CADM2: variants seen among roughly 807,000 people sequenced by gnomAD.
CADM2 encodes immunoglobulin superfamily member 4D.
CADM2 carries 12 observed loss-of-function variants against 49.8 expected under a neutral mutation model. The observed-to-expected ratio is 0.24, with a 90% CI of 0.15 to 0.39. The LOEUF is 0.39. Ranked by LOEUF, CADM2 falls within the 10% of genes least tolerant of loss-of-function variation. The probability of loss-of-function intolerance (pLI) is 1.00; values close to 1 mark genes in which losing one functional copy is unlikely to be tolerated. For synonymous variants in CADM2, 214 were observed against 175.4 expected, an observed-to-expected ratio of 1.22 and a Z score of -1.74; for missense variants, 378 against 492.3, an observed-to-expected ratio of 0.77 and a Z score of 2.20.
intron 1 of CADM2, among the ~76,000 whole-genome samples, chr3:85,694,612 C>A (rs951012337): frequency 6.6e-6 from 1 of 152,098 alleles, no homozygotes; most frequent in Admixed American, 6.5e-5. Context: ...CACTAAAATG[C>A]AATTTATAAA....
chr3:85,222,972 C>A (rs570867737), intron 1 of CADM2, among the ~76,000 whole-genome samples: 5 of 152,242 alleles, frequency 3.3e-5, no homozygotes, highest in Middle Eastern at 3.4e-3. Flanking sequence ...CTCTTTAGAA[C>A]TACTATCGAA....
At chr3:85,664,193 T>G (rs1444487583) in intron 1 of CADM2, among the ~76,000 whole-genome samples, 1 of 151,936 alleles carries the variant, frequency 6.6e-6, no homozygotes, top group African/African-American at 2.4e-5. Context: ...TATTGGGTAA[T>G]GTTTAGTTCC....
chr3:85,896,022 G>C (rs974252711), intron 5 of CADM2, among the ~76,000 whole-genome samples: 1 of 152,172 alleles, frequency 6.6e-6, no homozygotes, highest in African/African-American at 2.4e-5. Flanking sequence ...TGGGCATGGT[G>C]GCTCATGCCT....
At chr3:84,995,744 G>C (rs891509373) in intron 1 of CADM2, among the ~76,000 whole-genome samples, 3 of 152,146 alleles carry the variant, frequency 2.0e-5, no homozygotes, top group African/African-American at 4.8e-5. Context: ...ATTGCTAACA[G>C]TATTTGATCA....
At chr3:86,005,394 T>C (rs576145346) in intron 8 of CADM2, among the ~76,000 whole-genome samples, 1 of 151,880 alleles carries the variant, frequency 6.6e-6, no homozygotes, top group East Asian at 1.9e-4. Flanking sequence ...CTATTAAAAA[T>C]ACAAAAGTTA....
intron 8 of CADM2, among the ~76,000 whole-genome samples, chr3:86,058,179 CTGTATT>C (rs2107372473): frequency 6.6e-6 from 1 of 152,248 alleles, no homozygotes; most frequent in South Asian, 2.1e-4. Context: ...GCAAATCTTT[CTGTATT>C]AATATTTTCC....
rs183230642 is a variant in CADM2, at chr3:85,149,601, G to C, written c.61+189933G>C. Among the ~76,000 whole-genome samples, 302 of 152,278 alleles carry C rather than the reference G, an allele frequency of 2.0e-3. 1 individual carries two copies. The highest frequency in any genetic ancestry group is 6.9e-3 in the African/African-American group (288 of 41,572). On this transcript the variant is annotated intron_variant, in intron 1 of 9. Transcript: ENST00000383699. ...AAAAATAAAAAATTAGCCAGGCATG[G>C]TGGCAGGTGCCTGTAGTCCCAGTTA...
At chr3:85,468,109 C>A (rs930613586) in intron 1 of CADM2, among the ~76,000 whole-genome samples, 2 of 136,892 alleles carry the variant, frequency 1.5e-5, no homozygotes, top group East Asian at 2.3e-4. Flanking sequence ...AGCCGAGATC[C>A]CGCCACTGCA....
chr3:85,833,612 G>T (rs1190336622), intron 3 of CADM2, among the ~76,000 whole-genome samples: 1 of 151,436 alleles, frequency 6.6e-6, no homozygotes, highest in Non-Finnish European at 1.5e-5. Flanking sequence ...TTTTCAGTCT[G>T]TCCCAGCACC....
At chr3:85,293,029 T>G (rs2106944105) in intron 1 of CADM2, among the ~76,000 whole-genome samples, 1 of 151,742 alleles carries the variant, frequency 6.6e-6, no homozygotes, top group Middle Eastern at 3.4e-3. Flanking sequence ...TCAACAAAAT[T>G]GATAGACCGC....
intron 1 of CADM2, among the ~76,000 whole-genome samples, chr3:84,967,293 A>C (rs1041864701): frequency 3.3e-5 from 5 of 152,144 alleles, no homozygotes; most frequent in African/African-American, 7.2e-5. Flanking sequence ...TTAAACATCA[A>C]GGCCTAAAAT....
At chr3:84,974,174 A>G (rs915848080) in intron 1 of CADM2, among the ~76,000 whole-genome samples, 30 of 151,906 alleles carry the variant, frequency 2.0e-4, no homozygotes, top group African/African-American at 6.3e-4. Context: ...TTGGCTAGTG[A>G]TATCTCTGGA....
At chr3:86,065,977 A>G (rs752247652) in intron 9 of CADM2, among the ~76,000 whole-genome samples, 7 of 152,090 alleles carry the variant, frequency 4.6e-5, no homozygotes, top group Admixed American at 1.3e-4. Context: ...AGAAAAATAG[A>G]AAAAATATGG....
At chr3:85,121,659 C>CCATTCATCAGTAATATTACCTATCTT (rs966631335) in intron 1 of CADM2, among the ~76,000 whole-genome samples, 3 of 152,042 alleles carry the variant, frequency 2.0e-5, no homozygotes, top group Non-Finnish European at 2.9e-5. Flanking sequence ...GTATTCAATA[C>CCATTCATCAGTAATATTACCTATCTT]CATTCATCAG....
intron 1 of CADM2, among the ~76,000 whole-genome samples, chr3:85,239,286 C>T (rs944878845): frequency 2.0e-5 from 3 of 151,616 alleles, no homozygotes; most frequent in African/African-American, 7.3e-5. Flanking sequence ...AGAGCTGTTG[C>T]CAGTGGATAT....
chr3:85,131,052 G>A (rs552839102), intron 1 of CADM2, among the ~76,000 whole-genome samples: 7 of 152,128 alleles, frequency 4.6e-5, no homozygotes, highest in Admixed American at 1.3e-4. Context: ...CGTGGCATGC[G>A]CCTGTAATTC....
chr3:85,918,717 A>G (rs995442674), intron 6 of CADM2, among the ~76,000 whole-genome samples: 2 of 152,148 alleles, frequency 1.3e-5, no homozygotes, highest in African/African-American at 4.8e-5. Context: ...AAATACCTGC[A>G]GATTTTACAT....
At chr3:85,544,300 C>T (rs1576765982) in intron 1 of CADM2, among the ~76,000 whole-genome samples, 2 of 152,204 alleles carry the variant, frequency 1.3e-5, no homozygotes, top group East Asian at 1.9e-4. Context: ...AAGAGGAGGC[C>T]GGGCGCGGTT....
chr3:86,041,846 C>T (rs1735984604), intron 8 of CADM2, among the ~76,000 whole-genome samples: 1 of 152,166 alleles, frequency 6.6e-6, no homozygotes, highest in African/African-American at 2.4e-5. Flanking sequence ...CACTCCTCAG[C>T]AAATGTAAAA....
Sources: allele counts gnomAD v4.1 joint callset (sites outside exome capture counted in the v4.1 genomes callset), GRCh38; gene constraint gnomAD v4.1.1; transcripts MANE v1.5; gene names NCBI Gene and HGNC (gene_info 2026-07-23, HGNC 2026-07-21).